Variants in AMOTL1 observed in about 807,000 individuals in gnomAD.
The protein encoded by AMOTL1 is angiomotin-like protein 1.
Under a neutral mutation model 102.9 loss-of-function variants are expected in AMOTL1, and 45 were observed. The ratio of observed to expected loss-of-function variants is 0.44; its 90% confidence interval spans 0.34 to 0.56. The LOEUF (loss-of-function observed/expected upper bound fraction) is 0.56. AMOTL1 is among the 20% of genes least tolerant of loss of function. AMOTL1 has a pLI of 0.01. For synonymous variants in AMOTL1, 481 were observed against 484.7 expected, an observed-to-expected ratio of 0.99 and a Z score of 0.10; for missense variants, 1,114 against 1,225.6, an observed-to-expected ratio of 0.91 and a Z score of 1.36.
chr11:94,832,961 G>T (rs1264477533), intron 6 of AMOTL1, among the ~76,000 whole-genome samples: 1 of 152,376 alleles, frequency 6.6e-6, no homozygotes, highest in East Asian at 1.9e-4. Context: ...GCCAAGGCTG[G>T]TGTGGAATAA....
chr11:94,868,013 C>A (rs192693294), intron 11 of AMOTL1, among the ~76,000 whole-genome samples: 1 of 152,204 alleles, frequency 6.6e-6, no homozygotes, highest in East Asian at 1.9e-4. Flanking sequence ...ATGTGGGAAG[C>A]GCAGGTGAAG....
At chr11:94,842,057 C>T (rs2135690639) in intron 6 of AMOTL1, among the ~76,000 whole-genome samples, 1 of 152,120 alleles carries the variant, frequency 6.6e-6, no homozygotes, top group Non-Finnish European at 1.5e-5. Flanking sequence ...TGTTGTTTTC[C>T]TATATTAGAC....
At chr11:94,765,847 A>G (rs997080465), upstream of AMOTL1, among the ~76,000 whole-genome samples, 1 of 152,140 alleles carries the variant, frequency 6.6e-6, no homozygotes, top group African/African-American at 2.4e-5. Flanking sequence ...CTGATCTTCA[A>G]AGCTTCATCT....
At chr11:94,735,727 T>G (rs1416401858) in intron 2 of AMOTL1, among the ~76,000 whole-genome samples, 1 of 152,170 alleles carries the variant, frequency 6.6e-6, no homozygotes, top group East Asian at 1.9e-4. Flanking sequence ...CTAGGACACA[T>G]AAGAAGTTGT....
intron 2 of AMOTL1, among the ~76,000 whole-genome samples, chr11:94,731,887 C>T (rs1950359333): frequency 6.6e-6 from 1 of 152,190 alleles, no homozygotes; most frequent in Non-Finnish European, 1.5e-5. Flanking sequence ...ACTTGTATTG[C>T]TGGTTATTTG....
At chr11:94,853,701 C>T (rs928294482) in intron 7 of AMOTL1, among the ~76,000 whole-genome samples, 11 of 152,120 alleles carry the variant, frequency 7.2e-5, no homozygotes, top group Non-Finnish European at 1.6e-4. Context: ...AAAGCAGGTA[C>T]CCCAGTAGAG....
At position 94,870,825 on chromosome 11, in the gene AMOTL1, A is replaced by T; in HGVS notation, c.*30A>T. ...CATCCCTGTGGAATTTCAGTACAGA[A>T]CACTGACAAACAAGGAAAGCGGCAG... On this transcript the variant is annotated 3_prime_UTR_variant, in exon 13 of 13. Coordinates refer to ENST00000433060, the MANE Select transcript of AMOTL1 (RefSeq NM_130847.3). The T allele has an allele frequency of 6.6e-7, 1 of 1,521,322 alleles. No homozygotes were observed. Among genetic ancestry groups the T allele is most frequent in the Admixed American group, 2.0e-5 (1 of 50,254 alleles). 94.2% of individuals were successfully genotyped at this position (1,521,322 alleles called of 1,614,324 possible).
intron 1 of AMOTL1, among the ~76,000 whole-genome samples, chr11:94,717,670 A>G (rs1950116754): frequency 6.6e-6 from 1 of 152,008 alleles, no homozygotes. Context: ...CCAAACTCAG[A>G]TGCTATACAA....
intron 4 of AMOTL1, among the ~76,000 whole-genome samples, chr11:94,827,962 T>A (rs918370290): frequency 9.9e-5 from 15 of 152,156 alleles, no homozygotes. Flanking sequence ...TCTGTTTACC[T>A]CCCTGAGTGG....
intron 9 of AMOTL1, 65 bp downstream of exon 9, chr11:94,859,780 G>A: frequency 6.7e-7 from 1 of 1,491,630 alleles, no homozygotes; most frequent in Non-Finnish European, 9.0e-7. Flanking sequence ...AAAACAAACA[G>A]GCTATCCAGA....
intron 3 of AMOTL1, among the ~76,000 whole-genome samples, chr11:94,756,006 G>A (rs1470765107): frequency 6.6e-6 from 1 of 152,174 alleles, no homozygotes; most frequent in Admixed American, 6.5e-5. Flanking sequence ...AGCTCTGAAT[G>A]AGGTGGACGG....
At chr11:94,832,635 G>A (rs1205940587) in intron 6 of AMOTL1, among the ~76,000 whole-genome samples, 3 of 152,100 alleles carry the variant, frequency 2.0e-5, no homozygotes, top group East Asian at 3.8e-4. Context: ...AGGCTATAGC[G>A]GCACTTTGAA....
chr11:94,718,965 A>T (rs1950135160), intron 1 of AMOTL1, among the ~76,000 whole-genome samples: 1 of 151,940 alleles, frequency 6.6e-6, no homozygotes, highest in South Asian at 2.1e-4. Context: ...CCATGCCAGA[A>T]TTGTAAAATT....
intron 6 of AMOTL1, among the ~76,000 whole-genome samples, chr11:94,842,920 T>A (rs1015511999): frequency 4.6e-5 from 7 of 152,154 alleles, no homozygotes. Context: ...CATAACTCAT[T>A]TAAAAACACT....
At chr11:94,841,449 C>T (rs1055582096) in intron 6 of AMOTL1, among the ~76,000 whole-genome samples, 23 of 151,858 alleles carry the variant, frequency 1.5e-4, no homozygotes, top group African/African-American at 5.3e-4. Context: ...CAGACTCTGT[C>T]TCAAAAAAAG....
At chr11:94,822,013 G>A (rs1025616681) in intron 4 of AMOTL1, among the ~76,000 whole-genome samples, 192 bp downstream of exon 4, 1 of 152,182 alleles carries the variant, frequency 6.6e-6, no homozygotes, top group Non-Finnish European at 1.5e-5. Flanking sequence ...AAAAAGGGGA[G>A]AGAGTTGCAT....
intron 3 of AMOTL1, among the ~76,000 whole-genome samples, chr11:94,803,948 C>CT: frequency 6.6e-6 from 1 of 152,270 alleles, no homozygotes; most frequent in South Asian, 2.1e-4. Context: ...AGTATCCTCG[C>CT]TTTTGAAAGA....
chr11:94,775,932 G>A (rs965316960), intron 1 of AMOTL1, among the ~76,000 whole-genome samples: 9 of 152,270 alleles, frequency 5.9e-5, no homozygotes, highest in African/African-American at 1.9e-4. Context: ...TTATGCTGGC[G>A]GCAAAGCTTA....
At chr11:94,863,968 C>T (rs1952825626) in intron 9 of AMOTL1, among the ~76,000 whole-genome samples, 1 of 152,172 alleles carries the variant, frequency 6.6e-6, no homozygotes, top group South Asian at 2.1e-4. Flanking sequence ...TGGACCCTGG[C>T]ATGCCTATTA....
Sources: allele counts gnomAD v4.1 joint callset (sites outside exome capture counted in the v4.1 genomes callset), GRCh38; gene constraint gnomAD v4.1.1; transcripts MANE v1.5; gene names NCBI Gene and HGNC (gene_info 2026-07-23, HGNC 2026-07-21).